Variants in MED13L observed in about 807,000 individuals in gnomAD.
The protein encoded by MED13L is mediator of RNA polymerase II transcription subunit 13-like.
In MED13L, 7 loss-of-function variants were observed where a neutral mutation model predicts 220.9. The ratio of observed to expected loss-of-function variants is 0.03; its 90% CI spans 0.02 to 0.06. MED13L has a LOEUF of 0.06. Ranked by LOEUF, MED13L falls within the 10% of genes least tolerant of loss-of-function variation. The pLI, the probability that MED13L is intolerant of heterozygous loss-of-function variation, is 1.00. For synonymous variants in MED13L, 1,011 were observed against 1,015.2 expected, an observed-to-expected ratio of 1.00 and a Z score of 0.08; for missense variants, 1,965 against 2,760.5, an observed-to-expected ratio of 0.71 and a Z score of 6.46.
intron 29 of MED13L, among the ~76,000 whole-genome samples, chr12:115,964,629 T>C (rs1430077723): frequency 6.6e-6 from 1 of 152,230 alleles, no homozygotes; most frequent in East Asian, 1.9e-4. Context: ...CAAGGATTTG[T>C]TTCATTCTAT....
chr12:115,983,613 G>A, intron 20 of MED13L, 73 bp from the exon 21 acceptor site: 1 of 1,506,290 alleles, frequency 6.6e-7, no homozygotes. Context: ...ATCTAGAATG[G>A]TCACTTGTAA....
At chr12:116,234,581 T>G (rs1023770794) in intron 2 of MED13L, among the ~76,000 whole-genome samples, 2 of 151,944 alleles carry the variant, frequency 1.3e-5, no homozygotes, top group African/African-American at 4.8e-5. Context: ...CAGTAAAATG[T>G]CCCTATTTAA....
intron 20 of MED13L, 144 bp downstream of exon 20, chr12:115,984,036 G>T: frequency 2.0e-6 from 2 of 977,266 alleles, no homozygotes; most frequent in South Asian, 2.8e-5. Flanking sequence ...GCATTAAACT[G>T]CCCAGAACAC....
chr12:116,087,609 C>T (rs1399687827), intron 4 of MED13L, among the ~76,000 whole-genome samples: 1 of 152,196 alleles, frequency 6.6e-6, no homozygotes, highest in African/African-American at 2.4e-5. Context: ...ACGAATCAAA[C>T]AGGCAGCCAT....
intron 1 of MED13L, among the ~76,000 whole-genome samples, chr12:116,246,022 A>C (rs1451163886): frequency 6.6e-6 from 1 of 152,164 alleles, no homozygotes; most frequent in Non-Finnish European, 1.5e-5. Flanking sequence ...TTTCCATATA[A>C]TAAAAAGAGG....
chr12:116,199,871 A>G (rs1328337301), intron 2 of MED13L, among the ~76,000 whole-genome samples: 1 of 152,196 alleles, frequency 6.6e-6, no homozygotes, highest in East Asian at 1.9e-4. Context: ...CATCAGTCAG[A>G]AGGACAAATT....
At chr12:116,017,529 C>T (rs1482798779) in intron 7 of MED13L, among the ~76,000 whole-genome samples, 1 of 152,118 alleles carries the variant, frequency 6.6e-6, no homozygotes, top group East Asian at 1.9e-4. Context: ...TATGAAAGTT[C>T]TTTTTTAGTT....
chr12:116,134,621 T>C (rs905510146), intron 2 of MED13L, among the ~76,000 whole-genome samples: 1 of 152,190 alleles, frequency 6.6e-6, no homozygotes, highest in Non-Finnish European at 1.5e-5. Flanking sequence ...CAGAGAGTAA[T>C]AATTTTACTT....
At chr12:116,077,726 C>G (rs1453126750) in intron 4 of MED13L, among the ~76,000 whole-genome samples, 1 of 152,332 alleles carries the variant, frequency 6.6e-6, no homozygotes, top group South Asian at 2.1e-4. Context: ...CTTACTTTCT[C>G]ACCCTATACC....
intron 2 of MED13L, among the ~76,000 whole-genome samples, chr12:116,197,104 C>T (rs1249543055): frequency 6.6e-6 from 1 of 152,182 alleles, no homozygotes; most frequent in African/African-American, 2.4e-5. Flanking sequence ...ACAGCACACT[C>T]ACTTTACTTT....
At chr12:116,059,417 CTT>C (rs773277217) in intron 4 of MED13L, among the ~76,000 whole-genome samples, 38 of 137,620 alleles carry the variant, frequency 2.8e-4, no homozygotes, top group Admixed American at 3.0e-4. Flanking sequence ...TTATACCGTA[CTT>C]TTTTTTTTTT....
chr12:115,970,905 G>T, intron 26 of MED13L, 135 bp from the exon 27 acceptor site: 1 of 845,990 alleles, frequency 1.2e-6, no homozygotes, highest in Non-Finnish European at 1.9e-6. Context: ...GAGTCCAATT[G>T]TTTAAATATC....
intron 2 of MED13L, among the ~76,000 whole-genome samples, chr12:116,206,074 C>CTTTTTTT (rs1160337465): frequency 3.4e-4 from 30 of 87,222 alleles, no homozygotes; most frequent in East Asian, 7.5e-4. Flanking sequence ...GTATTATTAC[C>CTTTTTTT]TTTTTTTTTT....
chr12:116,236,250 C>T (rs1302967859), intron 2 of MED13L, among the ~76,000 whole-genome samples: 1 of 152,076 alleles, frequency 6.6e-6, no homozygotes, highest in African/African-American at 2.4e-5. Flanking sequence ...TATTTATAGA[C>T]CAAATACCCT....
intron 8 of MED13L, among the ~76,000 whole-genome samples, chr12:116,013,110 T>C (rs544024077): frequency 3.5e-4 from 54 of 152,306 alleles, no homozygotes; most frequent in African/African-American, 1.1e-3. Context: ...ATGTGGTTCA[T>C]ACTTGTAATC....
At chr12:116,195,817 C>T (rs1881589795) in intron 2 of MED13L, among the ~76,000 whole-genome samples, 2 of 151,502 alleles carry the variant, frequency 1.3e-5, no homozygotes. Context: ...TGAAACAAGG[C>T]TAGGTGGAAA....
Position 116,111,492 on chromosome 12 carries a change from C to T in MED13L, c.331G>A (p.Glu111Lys). ...CTACATTCATAGGAAAGGCCATTTT[C>T]CCAGAGTCCTTCTTCCACAACTGAA... ...ELQVVEEGLW[E>K]NGLSYECRTL... is the part of the protein sequence containing the mutation. The change falls in exon 3 of 31, where the codon GAA (glutamate) becomes AAA (lysine). Residue 111 changes from glutamate to lysine, a missense_variant. This residue lies in a region of MED13L where 818 missense variants were observed against 1,041.2 expected (regional missense o/e 0.79). Coordinates refer to ENST00000281928, the MANE Select transcript of MED13L (RefSeq NM_015335.5). 6.2e-7 allele frequency: 1 copy of T among 1,609,522 alleles called. No homozygotes were observed. The highest frequency in any genetic ancestry group is 8.5e-7 in the Non-Finnish European group (1 of 1,179,078).
intron 2 of MED13L, chr12:116,236,971 T>C (rs1870138204): frequency 1.8e-6 from 1 of 552,640 alleles, no homozygotes; most frequent in Non-Finnish European, 2.3e-6. Flanking sequence ...AGATCCCATA[T>C]ATTCATCTTT....
At chr12:116,001,011 C>T (rs1483871186) in intron 14 of MED13L, among the ~76,000 whole-genome samples, 1 of 151,536 alleles carries the variant, frequency 6.6e-6, no homozygotes, top group Non-Finnish European at 1.5e-5. Context: ...AAGTGAAATA[C>T]TGCAATAATT....
Sources: gnomAD v4.1 joint callset for allele counts (sites outside exome capture counted in the v4.1 genomes callset) on GRCh38, gnomAD v4.1.1 for gene constraint, gnomAD v4.1.1 regional missense constraint, MANE v1.5 for transcripts, NCBI Gene and HGNC (gene_info 2026-07-23, HGNC 2026-07-21) for gene names.